Variants in KLF8 observed in about 807,000 individuals in gnomAD.
KLF8 encodes Krueppel-like factor 8.
Under a neutral mutation model 18.2 loss-of-function variants are expected in KLF8, and 10 were observed. The observed-to-expected ratio is 0.55, with a 90% confidence interval of 0.34 to 0.93. The LOEUF is 0.93. Ranked by LOEUF, KLF8 falls within the 40% of genes least tolerant of loss-of-function variation. The pLI is 0.02. For missense variants in KLF8, 264 were observed against 277.9 expected (o/e 0.95, Z 0.36); for synonymous variants, 109 against 97.3 (o/e 1.12, Z -0.71).
the KLF8 span, among the ~76,000 whole-genome samples, chrX:56,202,300 G>T: frequency 9.2e-6 from 1 of 109,094 alleles, no homozygotes; most frequent in African/African-American, 3.3e-5. Flanking sequence ...TTATTTTTGT[G>T]GGTACATAGT....
At chrX:55,940,851 A>G in the KLF8 span, among the ~76,000 whole-genome samples, 1 of 111,534 alleles carries the variant, frequency 9.0e-6, no homozygotes, top group African/African-American at 3.3e-5. Context: ...AGAACTACAA[A>G]CCACTGCTCA....
At chrX:56,261,649 A>G (rs1047109709) in intron 2 of KLF8, among the ~76,000 whole-genome samples, 41 of 111,646 alleles carry the variant, frequency 3.7e-4, no homozygotes, top group African/African-American at 1.3e-3. Context: ...ACCTTCAAGC[A>G]TAATATGCTA....
chrX:55,969,658 G>T, the KLF8 span, among the ~76,000 whole-genome samples: 1 of 111,389 alleles, frequency 9.0e-6, no homozygotes, highest in Non-Finnish European at 1.9e-5. Context: ...AAAAGTTGTG[G>T]TTTTTTAAAA....
chrX:56,127,005 G>T, the KLF8 span, among the ~76,000 whole-genome samples: 1 of 108,792 alleles, frequency 9.2e-6, no homozygotes, highest in African/African-American at 3.4e-5. Flanking sequence ...TACCCGCCTC[G>T]GCCTCCCAAA....
At chrX:56,055,195 T>A in the KLF8 span, among the ~76,000 whole-genome samples, 1 of 112,184 alleles carries the variant, frequency 8.9e-6, no homozygotes, top group Admixed American at 9.5e-5. Context: ...TTTCAGTATG[T>A]TTTCGTAGTG....
the KLF8 span, among the ~76,000 whole-genome samples, chrX:56,097,697 G>T: frequency 2.1e-3 from 161 of 74,933 alleles, no homozygotes; most frequent in African/African-American, 9.1e-3. Flanking sequence ...TCCCCAGAGT[G>T]TGATGTTCCC....
At chrX:56,187,533 A>G in the KLF8 span, among the ~76,000 whole-genome samples, 1 of 111,870 alleles carries the variant, frequency 8.9e-6, no homozygotes, top group Non-Finnish European at 1.9e-5. Flanking sequence ...TGAGGCCAGC[A>G]TCATCCTGAT....
At position 56,284,887 on chromosome X, in the gene KLF8, A is replaced by G. The variant is rs1197498537; in HGVS notation, c.*393A>G. ...CTCTTGTTTTCTAGAACTCTTATCC[A>G]TATGTTTTTAAAATAAGTACCTAAA... On this transcript the variant is annotated 3_prime_UTR_variant, in exon 6 of 6. Coordinates refer to ENST00000468660, the MANE Select transcript of KLF8 (RefSeq NM_007250.5). 2.3e-5 allele frequency: 3 copies of G among 128,493 alleles called. No homozygotes were observed. The highest frequency in any genetic ancestry group is 4.6e-5 in the Non-Finnish European group (3 of 64,730). 10.6% of individuals were successfully genotyped at this position (128,493 alleles called of 1,213,427 possible).
the KLF8 span, among the ~76,000 whole-genome samples, chrX:55,967,968 A>AT: frequency 2.7e-5 from 3 of 111,527 alleles, no homozygotes; most frequent in Admixed American, 2.9e-4. Context: ...AAAATAATGG[A>AT]TTTTAAGATA....
At chrX:56,207,806 C>A in the KLF8 span, among the ~76,000 whole-genome samples, 2 of 110,144 alleles carry the variant, frequency 1.8e-5, no homozygotes, top group African/African-American at 6.6e-5. Context: ...CAGCCACACC[C>A]CACTCTACCA....
At chrX:56,081,336 C>A in the KLF8 span, among the ~76,000 whole-genome samples, 6 of 111,554 alleles carry the variant, frequency 5.4e-5, no homozygotes, top group Admixed American at 1.9e-4. Context: ...TGTGGATGTC[C>A]TTTCTGTTTG....
At chrX:56,003,987 A>G in the KLF8 span, among the ~76,000 whole-genome samples, 1 of 112,387 alleles carries the variant, frequency 8.9e-6, no homozygotes, top group African/African-American at 3.2e-5. Flanking sequence ...TGAATATAAT[A>G]ACCAAATCAT....
At chrX:56,160,359 T>C in the KLF8 span, among the ~76,000 whole-genome samples, 1 of 111,890 alleles carries the variant, frequency 8.9e-6, no homozygotes, top group Admixed American at 9.5e-5. Context: ...GAAGAATGTA[T>C]ATTCTGTTGA....
the KLF8 span, among the ~76,000 whole-genome samples, chrX:56,124,814 C>T: frequency 8.9e-6 from 1 of 112,145 alleles, no homozygotes; most frequent in Non-Finnish European, 1.9e-5. Context: ...TCATTTCTTT[C>T]ACATTCTCAT....
the KLF8 span, among the ~76,000 whole-genome samples, chrX:56,189,195 C>T: frequency 2.7e-5 from 3 of 111,523 alleles, no homozygotes; most frequent in Non-Finnish European, 5.6e-5. Flanking sequence ...ACAACCCCAT[C>T]AAAAAGTGGA....
the KLF8 span, among the ~76,000 whole-genome samples, chrX:56,218,557 G>T: frequency 9.0e-6 from 1 of 111,693 alleles, no homozygotes; most frequent in Non-Finnish European, 1.9e-5. Context: ...GACAGTCAAA[G>T]GAACCCATCA....
chrX:55,955,500 C>A, the KLF8 span, among the ~76,000 whole-genome samples: 2 of 111,522 alleles, frequency 1.8e-5, no homozygotes, highest in African/African-American at 6.5e-5. Flanking sequence ...AGGTAACTCT[C>A]ACTGCTGTGT....
At chrX:56,202,122 G>A in the KLF8 span, among the ~76,000 whole-genome samples, 1 of 111,154 alleles carries the variant, frequency 9.0e-6, no homozygotes, top group Non-Finnish European at 1.9e-5. Context: ...AAGAAGGCTC[G>A]TACTGTCCAA....
At chrX:56,117,120 T>A in the KLF8 span, among the ~76,000 whole-genome samples, 22,314 of 109,424 alleles carry the variant, frequency 0.2, 4,753 homozygotes, top group African/African-American at 0.64. Flanking sequence ...CTATTAATTT[T>A]AAAAAAGAAG....
Sources: gnomAD v4.1 joint callset for allele counts (sites outside exome capture counted in the v4.1 genomes callset) on GRCh38, gnomAD v4.1.1 for gene constraint, MANE v1.5 for transcripts, NCBI Gene and HGNC (gene_info 2026-07-23, HGNC 2026-07-21) for gene names.